The following PTPRD variants were observed in gnomAD, a reference collection of about 807,000 sequenced individuals.
The protein encoded by PTPRD is receptor-type tyrosine-protein phosphatase delta.
A neutral mutation model predicts 214.5 loss-of-function variants in PTPRD; 34 were observed. The observed-to-expected ratio is 0.16, with a 90% CI of 0.12 to 0.21. The LOEUF (loss-of-function observed/expected upper bound fraction) is 0.21. Ranked by LOEUF, PTPRD falls within the 10% of genes least tolerant of loss-of-function variation. The probability of loss-of-function intolerance (pLI) is 1.00; values close to 1 mark genes in which losing one functional copy is unlikely to be tolerated. For synonymous variants in PTPRD, 1,128 were observed against 845.7 expected, an observed-to-expected ratio of 1.33 and a Z score of -5.79; for missense variants, 2,545 against 2,398.7, an observed-to-expected ratio of 1.06 and a Z score of -1.27.
At chr9:9,842,152 T>G (rs1486302118) in intron 5 of PTPRD, among the ~76,000 whole-genome samples, 5 of 152,016 alleles carry the variant, frequency 3.3e-5, no homozygotes, top group Non-Finnish European at 7.4e-5. Flanking sequence ...AGAAGAATAT[T>G]GAGAATTTAT....
chr9:10,432,709 G>T (rs1379411592), intron 2 of PTPRD, among the ~76,000 whole-genome samples: 1 of 151,928 alleles, frequency 6.6e-6, no homozygotes, highest in Non-Finnish European at 1.5e-5. Context: ...AAAGGACAAC[G>T]TTAAATGTTT....
intron 10 of PTPRD, among the ~76,000 whole-genome samples, chr9:9,112,190 G>A (rs188396335): frequency 6.4e-4 from 97 of 152,266 alleles, no homozygotes; most frequent in Admixed American, 1.2e-3. Flanking sequence ...TGGAAACACT[G>A]GGACCGTGAA....
chr9:9,783,308 C>T (rs2098876774), intron 5 of PTPRD, among the ~76,000 whole-genome samples: 2 of 152,078 alleles, frequency 1.3e-5, no homozygotes, highest in South Asian at 2.1e-4. Context: ...GGAAAATTTC[C>T]AATTTCTTTC....
chr9:9,223,702 A>G (rs2133473773), intron 9 of PTPRD, among the ~76,000 whole-genome samples: 1 of 152,158 alleles, frequency 6.6e-6, no homozygotes, highest in Admixed American at 6.6e-5. Flanking sequence ...AAAACAGGAT[A>G]AAACCAACAC....
At chr9:8,833,035 C>G (rs577786807) in intron 11 of PTPRD, among the ~76,000 whole-genome samples, 2 of 152,162 alleles carry the variant, frequency 1.3e-5, no homozygotes, top group South Asian at 4.1e-4. Context: ...AGCAATACAA[C>G]TGACTTGATA....
chr9:8,558,727 T>C (rs1396382245), intron 14 of PTPRD, among the ~76,000 whole-genome samples: 2 of 152,194 alleles, frequency 1.3e-5, no homozygotes, highest in Non-Finnish European at 2.9e-5. Context: ...ATTTAGTTTA[T>C]GGTGAGTGTT....
chr9:10,263,201 G>A (rs556229872), intron 3 of PTPRD, among the ~76,000 whole-genome samples: 22 of 152,294 alleles, frequency 1.4e-4, no homozygotes, highest in African/African-American at 5.3e-4. Context: ...ATTGGTACCA[G>A]TAGAATAGGG....
chr9:8,870,687 A>AACACAC (rs3046878), intron 11 of PTPRD, among the ~76,000 whole-genome samples: 22,850 of 131,206 alleles, frequency 0.17, 2,058 homozygotes, highest in Admixed American at 0.22. Context: ...ACAGACATGA[A>AACACAC]ACACACACAC....
intron 5 of PTPRD, among the ~76,000 whole-genome samples, chr9:9,870,427 T>C (rs1451988498): frequency 6.6e-6 from 1 of 151,988 alleles, no homozygotes; most frequent in Non-Finnish European, 1.5e-5. Flanking sequence ...TAGATTTTCA[T>C]ATATCCACAG....
rs78877122 is a variant in PTPRD at position 9,964,907 on chromosome 9, A to T, written c.-471-26297T>A. On this transcript the variant is annotated intron_variant, in intron 4 of 45. Transcript: ENST00000381196. The stretch of plus-strand genomic sequence containing the variant: ...TAAACTAATTTTTCATTTGAAATAT[A>T]GGGAAATAAACTTATTTTTGTCCTA... 1.3e-3 allele frequency among the ~76,000 whole-genome samples: 198 copies of T among 152,306 alleles called. 7 individuals are homozygous for T. In the East Asian group the frequency reaches 0.031, roughly 24 times the overall value.
chr9:8,701,277 G>A (rs1187319620), intron 12 of PTPRD: 1 of 152,162 alleles, frequency 6.6e-6, no homozygotes, highest in Non-Finnish European at 1.5e-5. Context: ...AGGTAAAAGA[G>A]TACATTTAAT....
At chr9:10,487,429 T>A (rs2099139829) in intron 2 of PTPRD, among the ~76,000 whole-genome samples, 1 of 152,222 alleles carries the variant, frequency 6.6e-6, no homozygotes, top group African/African-American at 2.4e-5. Flanking sequence ...TGTGATATGA[T>A]TTAGTTTTGT....
intron 11 of PTPRD, among the ~76,000 whole-genome samples, chr9:8,785,687 G>C (rs1015107637): frequency 1.3e-5 from 2 of 152,182 alleles, no homozygotes; most frequent in East Asian, 1.9e-4. Context: ...CCATATAAAA[G>C]TACTGTGGCT....
chr9:8,736,885 G>C (rs538416688), intron 11 of PTPRD, among the ~76,000 whole-genome samples: 1 of 152,244 alleles, frequency 6.6e-6, no homozygotes, highest in African/African-American at 2.4e-5. Flanking sequence ...CATTGGAAAA[G>C]TGCTAAAGGA....
chr9:9,840,110 T>C (rs998810946), intron 5 of PTPRD, among the ~76,000 whole-genome samples: 10 of 152,108 alleles, frequency 6.6e-5, no homozygotes, highest in Non-Finnish European at 7.3e-5. Flanking sequence ...TGATCTCAGC[T>C]CACTGCAACT....
intron 3 of PTPRD, among the ~76,000 whole-genome samples, chr9:10,178,033 T>G (rs1351305985): frequency 6.6e-6 from 1 of 151,944 alleles, no homozygotes; most frequent in Non-Finnish European, 1.5e-5. Flanking sequence ...TTCCACTTAG[T>G]GAATCATTAC....
At chr9:9,152,653 C>T (rs985303574) in intron 10 of PTPRD, among the ~76,000 whole-genome samples, 13 of 152,122 alleles carry the variant, frequency 8.5e-5, no homozygotes, top group African/African-American at 2.2e-4. Context: ...TTTCACCTTT[C>T]GAATATTGCT....
At chr9:8,741,391 T>A (rs2091882336) in intron 11 of PTPRD, among the ~76,000 whole-genome samples, 1 of 152,136 alleles carries the variant, frequency 6.6e-6, no homozygotes, top group African/African-American at 2.4e-5. Context: ...ATGAAACGGT[T>A]AAAATACAAG....
chr9:10,175,241 G>C lies in PTPRD; in HGVS notation c.-544-141451C>G, dbSNP rs2099240405. Among the ~76,000 whole-genome samples the C allele has an allele frequency of 3.3e-5, 5 of 151,988 alleles. No homozygotes were observed. In the South Asian group the frequency reaches 1.0e-3, roughly 32 times the overall value. ...GTCACTTAGCCTCACCAAAATTTCA[G>C]TCTCTTCCCTTGAAAAACTAATATA... On this transcript the variant is annotated intron_variant, in intron 3 of 45. Coordinates refer to ENST00000381196, the MANE Select transcript of PTPRD (RefSeq NM_002839.4).
Sources: gnomAD v4.1 joint callset for allele counts (sites outside exome capture counted in the v4.1 genomes callset) on GRCh38, gnomAD v4.1.1 for gene constraint, MANE v1.5 for transcripts, NCBI Gene and HGNC (gene_info 2026-07-23, HGNC 2026-07-21) for gene names.